ELOVL6: variants seen among roughly 807,000 people sequenced by gnomAD.
ELOVL6 encodes the protein ELOVL fatty acid elongase 6, also known as very long chain fatty acid elongase 6.
Under a neutral mutation model 31.7 loss-of-function variants are expected in ELOVL6, and 8 were observed. The ratio of observed to expected loss-of-function variants is 0.25; its 90% CI spans 0.15 to 0.45. The LOEUF (loss-of-function observed/expected upper bound fraction) is 0.45. Ranked by LOEUF, ELOVL6 falls within the 20% of genes least tolerant of loss-of-function variation. ELOVL6 has a pLI of 1.00. For missense variants in ELOVL6, 126 were observed against 326.4 expected (o/e 0.39, Z 4.73); for synonymous variants, 101 against 117.7 (o/e 0.86, Z 0.92).
intron 1 of ELOVL6, among the ~76,000 whole-genome samples, chr4:110,126,972 G>A (rs987573361): frequency 6.7e-5 from 10 of 149,402 alleles, no homozygotes; most frequent in African/African-American, 2.5e-4. Flanking sequence ...GGCTAATACT[G>A]TAATTACAAA....
chr4:110,123,188 T>A (rs527644094), intron 1 of ELOVL6, among the ~76,000 whole-genome samples: 25 of 152,314 alleles, frequency 1.6e-4, no homozygotes, highest in Admixed American at 3.3e-4. Context: ...TATTGAAGAC[T>A]AAATAGAATA....
At chr4:110,092,547 C>T (rs1578475011) in intron 2 of ELOVL6, among the ~76,000 whole-genome samples, 1 of 152,204 alleles carries the variant, frequency 6.6e-6, no homozygotes, top group East Asian at 1.9e-4. Context: ...AAGGAATACT[C>T]ATCTCGCAAT....
At chr4:110,120,807 T>TTC (rs1241918253) in intron 1 of ELOVL6, among the ~76,000 whole-genome samples, 1 of 144,344 alleles carries the variant, frequency 6.9e-6, no homozygotes, top group East Asian at 2.0e-4. Context: ...TCTTTTTTTT[T>TTC]TTTTTTTTTT....
At position 110,084,588 on chromosome 4, in the gene ELOVL6, A is replaced by ATTTTTT. The variant is rs1168880044; in HGVS notation, c.221+20903_221+20908dup. Among the ~76,000 whole-genome samples, 35 of 29,638 alleles carry ATTTTTT rather than the reference A, an allele frequency of 1.2e-3. 3 individuals are homozygous for ATTTTTT. Among genetic ancestry groups the ATTTTTT allele is most frequent in the African/African-American group, 6.3e-3 (29 of 4,568 alleles). The allele number at this position is 29,638 out of a possible 152,430, so 19.4% of individuals were successfully genotyped here. ...GATATATATATATATATATATATATATTTTTTTTTTTTTTTTTTTTTTTTG... is the reference window on the plus strand; with the variant it reads ...GATATATATATATATATATATATATATTTTTTTTTTTTTTTTTTTTTTTTTTTTTTG... On this transcript the variant is annotated intron_variant, in intron 2 of 3. Transcript: ENST00000302274.
intron 1 of ELOVL6, among the ~76,000 whole-genome samples, chr4:110,163,526 G>A (rs1758684671): frequency 6.6e-6 from 1 of 152,194 alleles, no homozygotes; most frequent in Admixed American, 6.5e-5. Flanking sequence ...CTGAGTCACT[G>A]AAATTTAACA....
intron 2 of ELOVL6, among the ~76,000 whole-genome samples, chr4:110,079,155 C>A (rs903243849): frequency 2.3e-4 from 35 of 152,108 alleles, no homozygotes; most frequent in African/African-American, 8.5e-4. Flanking sequence ...ACTTTAACAC[C>A]CTACTGTCAA....
At position 110,162,121 on chromosome 4, in the gene ELOVL6, G is replaced by C. The variant is rs1758647953; in HGVS notation, c.89+36126C>G. ...CATTTTAAATTTTATACCATGCCTA[G>C]TTTATAATTGTTTTAATCTAAAGTT... On this transcript the variant is annotated intron_variant, in intron 1 of 3. Coordinates refer to ENST00000302274, the MANE Select transcript of ELOVL6 (RefSeq NM_024090.3). Among the ~76,000 whole-genome samples, 3 of 152,216 alleles carry C rather than the reference G, an allele frequency of 2.0e-5. No homozygotes were observed. In the South Asian group the frequency reaches 6.2e-4, roughly 32 times the overall value.
rs548193295 is a variant in ELOVL6, at chr4:110,165,771, T to C, written c.89+32476A>G. On this transcript the variant is annotated intron_variant, in intron 1 of 3. Transcript: ENST00000302274. ...ACAGGAGGATTTTTGTAATAAAGTA[T>C]GTGGAGCTGGCCAGGTAACACCTGC... Among the ~76,000 whole-genome samples, 193 of 152,294 alleles carry C rather than the reference T, an allele frequency of 1.3e-3. 1 individual carries two copies. Among genetic ancestry groups the C allele is most frequent in the African/African-American group, 4.5e-3 (186 of 41,580 alleles).
intron 1 of ELOVL6, among the ~76,000 whole-genome samples, chr4:110,141,636 AT>A (rs1469574970): frequency 6.6e-6 from 1 of 150,478 alleles, no homozygotes; most frequent in Non-Finnish European, 1.5e-5. Flanking sequence ...TACAGCATTA[AT>A]ATTGTATTGT....
intron 1 of ELOVL6, among the ~76,000 whole-genome samples, chr4:110,152,793 T>C (rs1758315105): frequency 6.6e-6 from 1 of 152,236 alleles, no homozygotes; most frequent in African/African-American, 2.4e-5. Flanking sequence ...CACATGCACT[T>C]ATGTTAGAAG....
At chr4:110,090,596 C>CTTCCTTTTTTTTTTTTTT (rs1206850406) in intron 2 of ELOVL6, among the ~76,000 whole-genome samples, 1 of 82,558 alleles carries the variant, frequency 1.2e-5, no homozygotes, top group African/African-American at 7.3e-5. Context: ...GAAAGTTTGA[C>CTTCCTTTTTTTTTTTTTT]TTTCTTTTTT....
At chr4:110,193,173 A>G (rs1759672718) in intron 1 of ELOVL6, among the ~76,000 whole-genome samples, 1 of 152,174 alleles carries the variant, frequency 6.6e-6, no homozygotes, top group Admixed American at 6.5e-5. Context: ...ATGCTGCTAT[A>G]TTTTTTATGC....
chr4:110,196,788 G>A (rs1391783478), intron 1 of ELOVL6, among the ~76,000 whole-genome samples: 1 of 152,036 alleles, frequency 6.6e-6, no homozygotes, highest in Non-Finnish European at 1.5e-5. Flanking sequence ...CGGTGCGCGC[G>A]GCCCAGGAGG....
intron 1 of ELOVL6, among the ~76,000 whole-genome samples, chr4:110,119,419 C>T (rs1291651093): frequency 6.6e-6 from 1 of 152,232 alleles, no homozygotes; most frequent in Non-Finnish European, 1.5e-5. Flanking sequence ...ATTAGCTACT[C>T]ACAGGCCTTT....
chr4:110,088,832 C>T lies in ELOVL6; in HGVS notation c.221+16665G>A, dbSNP rs897418793. Reference sequence around the variant, plus strand: ...GGAAGGATTCATGTCCTGAGAGGGACGGAGTGGTGTGATGCAGTATTTCAT... The same window carrying T: ...GGAAGGATTCATGTCCTGAGAGGGATGGAGTGGTGTGATGCAGTATTTCAT... On this transcript the variant is annotated intron_variant, in intron 2 of 3. Coordinates refer to ENST00000302274, the MANE Select transcript of ELOVL6 (RefSeq NM_024090.3). 6.8e-4 allele frequency among the ~76,000 whole-genome samples: 104 copies of T among 152,254 alleles called. 1 individual carries two copies. The highest frequency in any genetic ancestry group is 2.3e-3 in the African/African-American group (94 of 41,548).
At chr4:110,084,561 C>G (rs59068165) in intron 2 of ELOVL6, among the ~76,000 whole-genome samples, 17,957 of 61,024 alleles carry the variant, frequency 0.29, 2,465 homozygotes, top group Non-Finnish European at 0.31. Context: ...CACACACACA[C>G]AGATATATAT....
intron 1 of ELOVL6, among the ~76,000 whole-genome samples, chr4:110,181,457 A>G (rs1759272826): frequency 6.6e-6 from 1 of 152,096 alleles, no homozygotes; most frequent in Non-Finnish European, 1.5e-5. Flanking sequence ...TAAATAAATA[A>G]ATAAATAAAG....
intron 1 of ELOVL6, among the ~76,000 whole-genome samples, chr4:110,120,538 CACAA>C (rs2126253535): frequency 6.6e-6 from 1 of 152,198 alleles, no homozygotes; most frequent in African/African-American, 2.4e-5. Context: ...CACCATTATA[CACAA>C]ACAGTTGGGT....
At chr4:110,084,122 C>CATATATATCAT (rs1186589928) in intron 2 of ELOVL6, among the ~76,000 whole-genome samples, 1 of 71,904 alleles carries the variant, frequency 1.4e-5, no homozygotes. Flanking sequence ...ATATATATAA[C>CATATATATCAT]ATATATGTGA....
Sources: gnomAD v4.1 joint callset for allele counts (sites outside exome capture counted in the v4.1 genomes callset) on GRCh38, gnomAD v4.1.1 for gene constraint, MANE v1.5 for transcripts, NCBI Gene and HGNC (gene_info 2026-07-23, HGNC 2026-07-21) for gene names.